UBR3: variants seen among roughly 807,000 people sequenced by gnomAD.
The protein encoded by UBR3 is E3 ubiquitin-protein ligase UBR3.
In UBR3, 85 loss-of-function variants were observed where a neutral mutation model predicts 243.2. The observed-to-expected ratio is 0.35, with a 90% CI of 0.29 to 0.42. The LOEUF (loss-of-function observed/expected upper bound fraction) is 0.42. Among genes scored for constraint, UBR3 ranks in the 10% least tolerant of loss-of-function variants. UBR3 has a pLI of 1.00. For synonymous variants in UBR3, 748 were observed against 799.8 expected, an observed-to-expected ratio of 0.94 and a Z score of 1.09; for missense variants, 1,686 against 2,300.8, an observed-to-expected ratio of 0.73 and a Z score of 5.47.
At chr2:169,883,346 T>C (rs571291111) in intron 5 of UBR3, among the ~76,000 whole-genome samples, 1 of 152,278 alleles carries the variant, frequency 6.6e-6, no homozygotes, top group African/African-American at 2.4e-5. Flanking sequence ...ACATCTTACA[T>C]AGTAGTGACT....
chr2:169,910,633 C>T (rs1342064499), intron 10 of UBR3, among the ~76,000 whole-genome samples: 1 of 152,040 alleles, frequency 6.6e-6, no homozygotes, highest in African/African-American at 2.4e-5. Context: ...GTTATAGGAG[C>T]GTCTGGTTCC....
intron 1 of UBR3, among the ~76,000 whole-genome samples, chr2:169,844,485 CCTCT>C (rs1327922409): frequency 3.3e-5 from 4 of 119,990 alleles, no homozygotes; most frequent in Non-Finnish European, 3.3e-5. Context: ...GTAGTGAAAC[CCTCT>C]CTCTTTTTTT....
intron 30 of UBR3, chr2:170,016,763 A>G (rs981824914): frequency 1.2e-4 from 35 of 283,902 alleles, no homozygotes; most frequent in African/African-American, 7.8e-4. Context: ...TAGTAATAAA[A>G]TTCTAGTGGT....
intron 5 of UBR3, 138 bp downstream of exon 5, chr2:169,878,712 A>G: frequency 3.8e-6 from 3 of 791,790 alleles, no homozygotes; most frequent in Non-Finnish European, 3.9e-6. Flanking sequence ...CTCATTCTAT[A>G]GACAAGGACA....
Position 169,890,563 on chromosome 2 carries a change from A to ATATATATATATGTG in UBR3, c.1039-601_1039-600insATATATATATGTGT, listed in dbSNP as rs1255881148. Among the ~76,000 whole-genome samples, 139 of 83,808 alleles carry ATATATATATATGTG rather than the reference A, an allele frequency of 1.7e-3. 3 individuals are homozygous for ATATATATATATGTG. Among genetic ancestry groups the ATATATATATATGTG allele is most frequent in the East Asian group, 6.0e-3 (20 of 3,322 alleles). The allele number at this position is 83,808 out of a possible 152,430, so 55.0% of individuals were successfully genotyped here. A position where few individuals can be genotyped will look rare whatever the true frequency, so the allele number is the denominator to read the frequency against. ...GAGATATATATATATATATATATAT[A>ATATATATATATGTG]TGTGTATATATATATATGTATATAT... On this transcript the variant is annotated intron_variant, in intron 5 of 38. Transcript: ENST00000272793.
chr2:169,896,343 A>G (rs1157654832), intron 7 of UBR3, among the ~76,000 whole-genome samples, 164 bp from the exon 8 acceptor site: 1 of 152,126 alleles, frequency 6.6e-6, no homozygotes, highest in Admixed American at 6.5e-5. Context: ...CAAATGTTCC[A>G]AAAAAGTGAA....
chr2:169,930,839 A>G lies in UBR3; in HGVS notation c.2566+1971A>G, dbSNP rs770331449. ...ACAAAAGCTGGCTTACTCCTGTTAA[A>G]GTGGGTGTGGGTAGTGAACCTAGCT... is the stretch of plus-strand genomic sequence containing the variant. On this transcript the variant is annotated intron_variant, in intron 18 of 38. Coordinates refer to ENST00000272793, the MANE Select transcript of UBR3 (RefSeq NM_172070.4). Among the ~76,000 whole-genome samples the G allele has an allele frequency of 3.5e-4, 54 of 152,132 alleles. 1 individual carries two copies. The highest frequency in any genetic ancestry group is 3.0e-3 in the Admixed American group (46 of 15,262).
At chr2:169,950,458 T>C (rs1002030482) in intron 23 of UBR3, among the ~76,000 whole-genome samples, 1 of 152,108 alleles carries the variant, frequency 6.6e-6, no homozygotes, top group Admixed American at 6.6e-5. Flanking sequence ...TCTTTTGGTC[T>C]TTTCTAATCT....
chr2:169,840,708 T>G (rs2082262499), intron 1 of UBR3, among the ~76,000 whole-genome samples: 1 of 152,158 alleles, frequency 6.6e-6, no homozygotes, highest in African/African-American at 2.4e-5. Context: ...AGTTCTCTGC[T>G]TGGGCCTCAG....
rs1553504449 is a variant in UBR3 at position 169,890,547 on chromosome 2, A to ATATATATATGTG, written c.1039-609_1039-608insGTGTATATATAT. Among the ~76,000 whole-genome samples, 18 of 23,102 alleles carry ATATATATATGTG rather than the reference A, an allele frequency of 7.8e-4. No homozygotes were observed. The South Asian group carries it at 0.011, about 15-fold the overall frequency. The allele number at this position is 23,102 out of a possible 152,430, so 15.2% of individuals were successfully genotyped here. A position where few individuals can be genotyped will look rare whatever the true frequency, so the allele number is the denominator to read the frequency against. On this transcript the variant is annotated intron_variant, in intron 5 of 38. Transcript: ENST00000272793. ...CTAGGAGAGAGAGAGAGAGATATAT[A>ATATATATATGTG]TATATATATATATATATGTGTATAT... is the stretch of plus-strand genomic sequence containing the variant.
intron 25 of UBR3, among the ~76,000 whole-genome samples, chr2:169,992,605 G>T (rs1018302374): frequency 6.6e-6 from 1 of 152,080 alleles, no homozygotes; most frequent in African/African-American, 2.4e-5. Context: ...TCTTATTTCT[G>T]TTGCTGTTAT....
At chr2:169,974,444 G>A (rs2088327073) in intron 24 of UBR3, among the ~76,000 whole-genome samples, 1 of 151,940 alleles carries the variant, frequency 6.6e-6, no homozygotes, top group South Asian at 2.1e-4. Flanking sequence ...TTTTCCAATT[G>A]GTTGGCATAT....
chr2:169,895,405 T>C (rs2084542444), intron 7 of UBR3, 94 bp downstream of exon 7: 4 of 1,326,664 alleles, frequency 3.0e-6, no homozygotes, highest in Admixed American at 2.9e-5. Context: ...CAGGTGAAGG[T>C]TGATATAACA....
chr2:169,999,199 G>A (rs17632553), intron 26 of UBR3, among the ~76,000 whole-genome samples: 3,359 of 152,212 alleles, frequency 0.022, 65 homozygotes, highest in Non-Finnish European at 0.027. Flanking sequence ...TTTATTAACG[G>A]ACTACCAATC....
At chr2:169,963,126 T>C (rs2087656569) in intron 24 of UBR3, among the ~76,000 whole-genome samples, 1 of 152,130 alleles carries the variant, frequency 6.6e-6, no homozygotes, top group Admixed American at 6.6e-5. Context: ...GATGATCCGT[T>C]TTTTCTGTGA....
chr2:169,865,668 G>A (rs745316497), intron 1 of UBR3, among the ~76,000 whole-genome samples: 45 of 152,064 alleles, frequency 3.0e-4, no homozygotes, highest in Non-Finnish European at 2.1e-4. Flanking sequence ...CTGCTTTCCA[G>A]CTCTCAATTC....
chr2:169,928,680 A>AGATTT, intron 17 of UBR3, 47 bp from the exon 18 acceptor site: 5 of 1,396,732 alleles, frequency 3.6e-6, no homozygotes, highest in Non-Finnish European at 4.8e-6. Context: ...AAAGGCTATA[A>AGATTT]ATCTGGCTTT....
intron 30 of UBR3, among the ~76,000 whole-genome samples, chr2:170,024,971 T>C (rs2090489994): frequency 6.6e-6 from 1 of 152,104 alleles, no homozygotes; most frequent in African/African-American, 2.4e-5. Flanking sequence ...TCAGTCTCTT[T>C]TGGGGAAGTG....
At chr2:169,992,011 A>C (rs2089294940) in intron 25 of UBR3, among the ~76,000 whole-genome samples, 1 of 152,240 alleles carries the variant, frequency 6.6e-6, no homozygotes, top group Non-Finnish European at 1.5e-5. Flanking sequence ...GAAAATGGGG[A>C]AATTTACAGC....
Sources: allele counts gnomAD v4.1 joint callset (sites outside exome capture counted in the v4.1 genomes callset), GRCh38; gene constraint gnomAD v4.1.1; transcripts MANE v1.5; gene names NCBI Gene and HGNC (gene_info 2026-07-23, HGNC 2026-07-21).